C10orf143: variants seen among roughly 807,000 people sequenced by gnomAD.
The protein encoded by C10orf143 is uncharacterized protein C10orf143.
chr10:130,077,697 A>G (rs1314708039), intron 3 of C10orf143, among the ~76,000 whole-genome samples: 1 of 152,266 alleles, frequency 6.6e-6, no homozygotes. Flanking sequence ...ATCTCTAAAA[A>G]TACTATTTGC....
At chr10:130,090,490 T>G (rs1360172500) in intron 1 of C10orf143, among the ~76,000 whole-genome samples, 2 of 152,082 alleles carry the variant, frequency 1.3e-5, no homozygotes, top group Non-Finnish European at 2.9e-5. Context: ...GGGCGGCCAT[T>G]TGGGCAGACA....
intron 1 of C10orf143, among the ~76,000 whole-genome samples, chr10:130,091,987 C>T (rs535706831): frequency 6.6e-6 from 1 of 152,330 alleles, no homozygotes; most frequent in African/African-American, 2.4e-5. Flanking sequence ...CTTGGAAACC[C>T]TCTTCAGGAT....
chr10:130,071,634 A>T lies in C10orf143; in HGVS notation c.298-7251T>A, dbSNP rs190773861. Reference sequence around the variant, plus strand: ...CTTAATATATACAGTTATATTCTATATTTTTTTTTTGAGACACAGTTTCAC... The same window carrying T: ...CTTAATATATACAGTTATATTCTATTTTTTTTTTTTGAGACACAGTTTCAC... On this transcript the variant is annotated intron_variant, in intron 3 of 3. Coordinates refer to ENST00000637128, the MANE Select transcript of C10orf143 (RefSeq NM_001355042.2). Among the ~76,000 whole-genome samples, 211 of 152,044 alleles carry T rather than the reference A, an allele frequency of 1.4e-3. 1 individual carries two copies. Among genetic ancestry groups the T allele is most frequent in the Middle Eastern group, 6.8e-3 (2 of 294 alleles).
At chr10:130,106,401 A>G in intron 1 of C10orf143, 1 of 1,602,800 alleles carries the variant, frequency 6.2e-7, no homozygotes, top group Non-Finnish European at 8.5e-7. Flanking sequence ...AGCTTTGAGA[A>G]GGCGGCAGCA....
chr10:130,101,865 C>CAAAAAAA lies in C10orf143; in HGVS notation c.69+8832_69+8838dup, dbSNP rs1267433489. 1.8e-3 allele frequency among the ~76,000 whole-genome samples: 84 copies of CAAAAAAA among 47,720 alleles called. 17 individuals are homozygous for CAAAAAAA. Among genetic ancestry groups the CAAAAAAA allele is most frequent in the African/African-American group, 8.8e-3 (67 of 7,574 alleles). The allele number at this position is 47,720 out of a possible 152,430, so 31.3% of individuals were successfully genotyped here. A position where few individuals can be genotyped will look rare whatever the true frequency, so the allele number is the denominator to read the frequency against. ...ACTCTGTCTCAAAAAAAAAAAAAAC[C>CAAAAAAA]AAAAAAAAAAAAAAAAAAAACTTTT... is the stretch of plus-strand genomic sequence containing the variant. On this transcript the variant is annotated intron_variant, in intron 1 of 3. Transcript: ENST00000637128.
At chr10:130,105,374 C>G (rs761999995) in intron 1 of C10orf143, among the ~76,000 whole-genome samples, 4 of 152,200 alleles carry the variant, frequency 2.6e-5, no homozygotes, top group Admixed American at 1.3e-4. Context: ...TTAATTACCC[C>G]CTCTGCGTTT....
intron 3 of C10orf143, among the ~76,000 whole-genome samples, chr10:130,038,264 G>T (rs566307255): frequency 6.6e-6 from 1 of 152,290 alleles, no homozygotes; most frequent in South Asian, 2.1e-4. Context: ...GAAGTTTCGG[G>T]TTCGGGACTG....
At chr10:130,091,177 T>C (rs917150607) in intron 1 of C10orf143, among the ~76,000 whole-genome samples, 12 of 152,178 alleles carry the variant, frequency 7.9e-5, no homozygotes, top group African/African-American at 2.9e-4. Flanking sequence ...GAGCTCCAGC[T>C]GGCATCTGGC....
intron 1 of C10orf143, among the ~76,000 whole-genome samples, chr10:130,086,222 C>T (rs1400803330): frequency 2.6e-5 from 4 of 152,150 alleles, no homozygotes; most frequent in South Asian, 2.1e-4. Context: ...CAGGTCCATG[C>T]GAGCTCACCT....
intron 1 of C10orf143, among the ~76,000 whole-genome samples, chr10:130,091,986 C>G (rs1435808621): frequency 6.6e-6 from 1 of 152,112 alleles, no homozygotes; most frequent in Non-Finnish European, 1.5e-5. Flanking sequence ...ACTTGGAAAC[C>G]CTCTTCAGGA....
chr10:130,084,651 TACAC>T lies in C10orf143; in HGVS notation c.70-4754_70-4751del, dbSNP rs56725445. On this transcript the variant is annotated intron_variant, in intron 1 of 3. Transcript: ENST00000637128. ...TGTGAGTTACTGTGTGTGCAGGTGA[TACAC>T]ACACACACACACACACACATACATA... Among the ~76,000 whole-genome samples, 1,152 of 149,568 alleles carry T rather than the reference TACAC, an allele frequency of 7.7e-3. 10 individuals are homozygous for T. The highest frequency in any genetic ancestry group is 0.025 in the African/African-American group (1,028 of 40,984).
intron 3 of C10orf143, among the ~76,000 whole-genome samples, chr10:130,054,157 T>G (rs1360515584): frequency 6.6e-6 from 1 of 152,226 alleles, no homozygotes; most frequent in African/African-American, 2.4e-5. Context: ...AATTTTATAC[T>G]GGCTGACTTG....
intron 3 of C10orf143, chr10:130,067,328 C>T (rs1257339471): frequency 1.3e-5 from 2 of 152,332 alleles, no homozygotes; most frequent in Non-Finnish European, 2.9e-5. Flanking sequence ...CATCTGGGAC[C>T]ATTACGTGAA....
chr10:130,039,870 C>T (rs1251376990), intron 3 of C10orf143, among the ~76,000 whole-genome samples: 1 of 152,094 alleles, frequency 6.6e-6, no homozygotes, highest in Non-Finnish European at 1.5e-5. Context: ...TTTGCTGTCC[C>T]CAGAGAGCTA....
intron 3 of C10orf143, among the ~76,000 whole-genome samples, chr10:130,036,258 C>T (rs1336776545): frequency 6.6e-6 from 1 of 152,204 alleles, no homozygotes; most frequent in Non-Finnish European, 1.5e-5. Context: ...TGGGTGCCCA[C>T]TTCCCATGCC....
At chr10:130,103,399 A>G (rs1364243094) in intron 1 of C10orf143, among the ~76,000 whole-genome samples, 1 of 152,328 alleles carries the variant, frequency 6.6e-6, no homozygotes. Flanking sequence ...CTGAGGCAGA[A>G]GAATCACTTG....
intron 3 of C10orf143, among the ~76,000 whole-genome samples, chr10:130,043,558 GTCT>G (rs1393711815): frequency 1.4e-4 from 22 of 152,170 alleles, no homozygotes; most frequent in African/African-American, 5.3e-4. Context: ...GTCAGCCCTG[GTCT>G]TCTTCTCCCC....
chr10:130,082,512 G>A (rs1443394006), intron 1 of C10orf143, among the ~76,000 whole-genome samples: 3 of 151,324 alleles, frequency 2.0e-5, no homozygotes, highest in African/African-American at 4.9e-5. Flanking sequence ...TCCCCTACAC[G>A]GTCCTCGTGT....
At chr10:130,107,126 T>C (rs769436726) in intron 1 of C10orf143, 3 of 1,603,888 alleles carry the variant, frequency 1.9e-6, no homozygotes, top group South Asian at 2.2e-5. Context: ...TGAACAAGCA[T>C]CTTTGCAGTC....
Sources: allele counts gnomAD v4.1 joint callset (sites outside exome capture counted in the v4.1 genomes callset), GRCh38; gene constraint gnomAD v4.1.1; transcripts MANE v1.5; gene names NCBI Gene and HGNC (gene_info 2026-07-23, HGNC 2026-07-21).